AZIN1: variants seen among roughly 807,000 people sequenced by gnomAD.
AZIN1 encodes ornithine decarboxylase antizyme inhibitor.
AZIN1 carries 12 observed loss-of-function variants against 47.4 expected under a neutral mutation model. The ratio of observed to expected loss-of-function variants is 0.25; its 90% confidence interval spans 0.16 to 0.41. The LOEUF is 0.41. AZIN1 is among the 10% of genes least tolerant of loss of function. AZIN1 has a pLI of 1.00. For missense variants in AZIN1, 410 were observed against 532.4 expected (o/e 0.77, Z 2.26); for synonymous variants, 155 against 176.3 (o/e 0.88, Z 0.96).
In AZIN1 at chr8:102,858,002, CA is replaced by C; in HGVS notation, c.-96+10del. 2 of 398,948 alleles carry C rather than the reference CA, an allele frequency of 5.0e-6. No homozygotes were observed. Among genetic ancestry groups the C allele is most frequent in the Non-Finnish European group, 8.8e-6 (2 of 226,010 alleles). The allele number at this position is 398,948 out of a possible 1,614,324, so 24.7% of individuals were successfully genotyped here. On this transcript the variant is annotated intron_variant, in intron 2 of 11. Transcript: ENST00000337198. ...GACCTCCTCCCCACCAACAAATGTGCAAATACTTACATGGACAAGTTGGGAG... is the reference window on the plus strand; with the variant it reads ...GACCTCCTCCCCACCAACAAATGTGCAATACTTACATGGACAAGTTGGGAG...
At chr8:102,832,688 T>A (rs1176018296) in intron 9 of AZIN1, among the ~76,000 whole-genome samples, 1 of 151,902 alleles carries the variant, frequency 6.6e-6, no homozygotes, top group South Asian at 2.1e-4. Flanking sequence ...TCACCCAGGC[T>A]GGAGTCCAGT....
intron 3 of AZIN1, among the ~76,000 whole-genome samples, chr8:102,842,942 C>G (rs1173917950): frequency 6.6e-6 from 1 of 151,472 alleles, no homozygotes; most frequent in East Asian, 1.9e-4. Context: ...TGAGGCTGGG[C>G]GCGGTGGCTC....
rs575711501 is a variant in AZIN1 at position 102,850,589 on chromosome 8, C to T, written c.-95-6842G>A. On this transcript the variant is annotated intron_variant, in intron 2 of 11. Transcript: ENST00000337198. ...TATATACTGAAACTGGTAGGAAATC[C>T]TATAAATTTAGTGATCATAAGATCA... 8.5e-5 allele frequency among the ~76,000 whole-genome samples: 13 copies of T among 152,240 alleles called. No homozygotes were observed. In the South Asian group the frequency reaches 2.7e-3, roughly 32 times the overall value.
At chr8:102,849,532 A>C (rs1363153307) in intron 2 of AZIN1, among the ~76,000 whole-genome samples, 1 of 152,124 alleles carries the variant, frequency 6.6e-6, no homozygotes. Flanking sequence ...AATTATATTA[A>C]ACTTGAAAAA....
intron 1 of AZIN1, among the ~76,000 whole-genome samples, chr8:102,863,396 G>A (rs1053454018): frequency 2.0e-4 from 31 of 151,794 alleles, no homozygotes; most frequent in African/African-American, 1.2e-4. Context: ...GGGGCTGCGG[G>A]ACCCCGGCCC....
At chr8:102,834,555 T>A (rs1811693142) in intron 7 of AZIN1, 111 bp downstream of exon 7, 1 of 772,728 alleles carries the variant, frequency 1.3e-6, no homozygotes, top group Non-Finnish European at 2.1e-6. Flanking sequence ...ATGAGGTGTG[T>A]GTCACGTTGA....
At chr8:102,834,603 A>C in intron 7 of AZIN1, 63 bp downstream of exon 7, 3 of 1,202,338 alleles carry the variant, frequency 2.5e-6, no homozygotes, top group Non-Finnish European at 2.4e-6. Context: ...GAAAATACTT[A>C]GTCTTTAACT....
intron 2 of AZIN1, among the ~76,000 whole-genome samples, chr8:102,849,110 A>G (rs999091808): frequency 1.3e-5 from 2 of 152,102 alleles, no homozygotes; most frequent in African/African-American, 4.8e-5. Context: ...CCTGGCCAAC[A>G]TGGTGAAACT....
chr8:102,846,505 G>A (rs1421916639), intron 2 of AZIN1, among the ~76,000 whole-genome samples: 4 of 151,952 alleles, frequency 2.6e-5, no homozygotes, highest in Non-Finnish European at 4.4e-5. Context: ...CCACAATGAC[G>A]GTATTATCTC....
intron 2 of AZIN1, among the ~76,000 whole-genome samples, chr8:102,847,350 T>TAAAA (rs34083752): frequency 1.5e-5 from 2 of 133,738 alleles, no homozygotes; most frequent in Non-Finnish European, 3.2e-5. Context: ...ACCCATCTCT[T>TAAAA]AAAAAAAAAA....
intron 7 of AZIN1, 65 bp downstream of exon 7, chr8:102,834,601 T>C (rs1441936554): frequency 7.8e-7 from 1 of 1,277,900 alleles, no homozygotes; most frequent in Non-Finnish European, 1.1e-6. Flanking sequence ...CAGAAAATAC[T>C]TAGTCTTTAA....
At chr8:102,862,736 A>G (rs948721980) in intron 1 of AZIN1, among the ~76,000 whole-genome samples, 2 of 152,224 alleles carry the variant, frequency 1.3e-5, no homozygotes, top group African/African-American at 4.8e-5. Context: ...GGAATTCACG[A>G]TAGAAACACG....
rs1812056022 is a variant in AZIN1, at chr8:102,839,727, T to C, written c.199A>G (p.Thr67Ala). Reference sequence around the variant, plus strand: ...GCTGGAGCAGAGTTGCACTTCACTGTGTAGAATGGCTTTATCTGAGCCACT... The same window carrying C: ...GCTGGAGCAGAGTTGCACTTCACTGCGTAGAATGGCTTTATCTGAGCCACT... ...NVVAQIKPFY[T>A]VKCNSAPAVL... is the part of the protein sequence containing the mutation. Residue 67 changes from threonine to alanine, a missense_variant, in exon 4 of 12, where the codon ACA (threonine) becomes GCA (alanine). Thr to Ala is a moderately conservative substitution (Grantham distance 58). This residue lies in a region of AZIN1 where 237 missense variants were observed against 309.4 expected (regional missense o/e 0.77). Coordinates refer to ENST00000337198, the MANE Select transcript of AZIN1 (RefSeq NM_148174.4). 6.2e-7 allele frequency: 1 copy of C among 1,610,916 alleles called. No individual in the cohort carries two copies. The highest frequency in any genetic ancestry group is 1.7e-5 in the Admixed American group (1 of 59,700).
At chr8:102,837,837 CA>C (rs1354255578) in intron 5 of AZIN1, among the ~76,000 whole-genome samples, 8 of 152,336 alleles carry the variant, frequency 5.3e-5, no homozygotes, top group African/African-American at 1.9e-4. Flanking sequence ...AGTAAGCCAA[CA>C]ACTGCATAAT....
At chr8:102,829,103 C>G (rs533189009) in intron 11 of AZIN1, among the ~76,000 whole-genome samples, 169 bp downstream of exon 11, 1 of 152,184 alleles carries the variant, frequency 6.6e-6, no homozygotes, top group African/African-American at 2.4e-5. Context: ...CATACAATCG[C>G]CTAATGTTGT....
At chr8:102,848,915 C>T (rs1017150379) in intron 2 of AZIN1, among the ~76,000 whole-genome samples, 3 of 152,112 alleles carry the variant, frequency 2.0e-5, no homozygotes. Context: ...TAAGACACAG[C>T]ATGTTCTAGG....
intron 9 of AZIN1, among the ~76,000 whole-genome samples, chr8:102,831,623 A>G (rs958134286): frequency 2.0e-5 from 3 of 146,728 alleles, no homozygotes; most frequent in Non-Finnish European, 3.0e-5. Context: ...AGCTTGGGCA[A>G]CAAGAGCAAA....
intron 2 of AZIN1, among the ~76,000 whole-genome samples, chr8:102,857,042 A>G (rs993483927): frequency 6.6e-6 from 1 of 152,254 alleles, no homozygotes; most frequent in African/African-American, 2.4e-5. Context: ...GCTGGGATTC[A>G]CATTTGCTCA....
At chr8:102,848,433 CT>C (rs1227015282) in intron 2 of AZIN1, among the ~76,000 whole-genome samples, 1 of 151,198 alleles carries the variant, frequency 6.6e-6, no homozygotes, top group Non-Finnish European at 1.5e-5. Context: ...AGAATGGGGT[CT>C]CACTATATTG....
Sources: gnomAD v4.1 joint callset for allele counts (sites outside exome capture counted in the v4.1 genomes callset) on GRCh38, gnomAD v4.1.1 for gene constraint, gnomAD v4.1.1 regional missense constraint, MANE v1.5 for transcripts, NCBI Gene and HGNC (gene_info 2026-07-23, HGNC 2026-07-21) for gene names.